The following ACSL6 variants were observed in gnomAD, a reference collection of about 807,000 sequenced individuals.
ACSL6 encodes the protein long-chain-fatty-acid--CoA ligase 6.
Under a neutral mutation model 98.2 loss-of-function variants are expected in ACSL6, and 47 were observed. That is an observed-to-expected ratio of 0.48 (90% CI 0.38 to 0.61). ACSL6 has a LOEUF of 0.61. ACSL6 is among the 20% of genes least tolerant of loss of function. ACSL6 has a pLI of 0.00. For synonymous variants in ACSL6, 362 were observed against 336.9 expected (o/e 1.07, Z -0.82); for missense variants, 761 against 913.4 (o/e 0.83, Z 2.15).
intron 18 of ACSL6, among the ~76,000 whole-genome samples, chr5:131,961,639 G>A (rs1274678496): frequency 6.6e-6 from 1 of 152,072 alleles, no homozygotes; most frequent in East Asian, 1.9e-4. Flanking sequence ...AGAGGCTGCA[G>A]TGAGCCGAGA....
chr5:131,976,607 T>A lies in ACSL6; in HGVS notation c.990+41A>T, dbSNP rs766516324. 8.0e-6 allele frequency: 12 copies of A among 1,509,178 alleles called. No individual in the cohort carries two copies. The East Asian group carries it at 2.7e-4, about 34-fold the overall frequency. 93.5% of individuals were successfully genotyped at this position (1,509,178 alleles called of 1,614,324 possible). On this transcript the variant is annotated intron_variant, in intron 10 of 20. Coordinates refer to ENST00000651883, the MANE Select transcript of ACSL6 (RefSeq NM_001009185.3). ...AAAAATCCTCTGAGGCTTGAGGTTG[T>A]CCTCAAGAGACACCTGCAACAGTAA...
In ACSL6 at chr5:131,972,779, C is replaced by T. The variant is rs1157003511; in HGVS notation, c.1283G>A (p.Ser428Asn). 1.9e-6 allele frequency: 3 copies of T among 1,614,216 alleles called. No individual in the cohort carries two copies. Among genetic ancestry groups the T allele is most frequent in the Admixed American group, 3.3e-5 (2 of 60,028 alleles). ...GATACTATCATTCCTGATGATTCCA[C>T]TCCGGACCTCGGCTTGCTTACGCTT... ...AAKRKQAEVR[S>N]GIIRNDSIWD... Residue 428 changes from serine to asparagine, a missense_variant, in exon 13 of 21, where the codon AGT (serine) becomes AAT (asparagine). Coordinates refer to ENST00000651883, the MANE Select transcript of ACSL6 (RefSeq NM_001009185.3).
intron 1 of ACSL6, among the ~76,000 whole-genome samples, chr5:132,000,645 T>A: frequency 1.3e-5 from 2 of 152,108 alleles, no homozygotes; most frequent in Middle Eastern, 3.4e-3. Flanking sequence ...ACAGCTAGAC[T>A]CATGGTGGCA....
rs1753018514 is a variant in ACSL6, at chr5:131,966,475, T to C, written c.1654A>G (p.Lys552Glu). Residue 552 changes from lysine (K) to glutamate (E), a missense_variant, in exon 17 of 21, where the codon AAG (lysine) becomes GAG (glutamate). Coordinates refer to ENST00000651883, the MANE Select transcript of ACSL6 (RefSeq NM_001009185.3). ...KGYLKDPDRT[K>E]EALDSDGWLH... Reference sequence around the variant, plus strand: ...CAGCCATCGCTGTCCAGGGCCTCCTTCGTCCTGTCTGGATCTTTCAAGTAG... The same window carrying C: ...CAGCCATCGCTGTCCAGGGCCTCCTCCGTCCTGTCTGGATCTTTCAAGTAG... 6.2e-7 allele frequency: 1 copy of C among 1,614,086 alleles called. No individual in the cohort carries two copies. The highest frequency in any genetic ancestry group is 1.3e-5 in the African/African-American group (1 of 74,908).
At chr5:131,962,910 C>T (rs1752789756) in intron 17 of ACSL6, among the ~76,000 whole-genome samples, 1 of 152,064 alleles carries the variant, frequency 6.6e-6, no homozygotes, top group Admixed American at 6.5e-5. Context: ...ACTGTCCTTT[C>T]CCCTCAGCAG....
Position 131,972,828 on chromosome 5 carries a change from G to A in ACSL6, c.1234C>T (p.Arg412Cys), listed in dbSNP as rs140341663. The change falls in exon 13 of 21, where the codon CGC becomes TGC. Residue 412 changes from arginine to cysteine, a missense_variant. By Grantham distance (180) the Arg-to-Cys change is radical. Coordinates refer to ENST00000651883, the MANE Select transcript of ACSL6 (RefSeq NM_001009185.3). ...TTTGCTGCAAACTCCAGGAGCCAGC[G>A]CTTTAATGGTGTGTTTGCCTGGCTG... ...IFSQANTPLK[R>C]WLLEFAAKRK... 3.8e-4 allele frequency: 617 copies of A among 1,614,176 alleles called. 3 individuals are homozygous for A. In the African/African-American group the frequency reaches 6.5e-3, roughly 17 times the overall value.
At chr5:131,967,695 A>ATAATAAT (rs898717100) in intron 16 of ACSL6, among the ~76,000 whole-genome samples, 19 of 145,508 alleles carry the variant, frequency 1.3e-4, no homozygotes, top group Admixed American at 2.1e-4. Context: ...AATAATAATA[A>ATAATAAT]TAATTAATTA....
chr5:131,968,669 A>G (rs1753150055), intron 15 of ACSL6, among the ~76,000 whole-genome samples: 1 of 152,198 alleles, frequency 6.6e-6, no homozygotes, highest in Non-Finnish European at 1.5e-5. Context: ...GGTCAAATTT[A>G]CCACAAAATT....
At chr5:131,959,653 C>T (rs552212998) in intron 19 of ACSL6, 46 bp from the exon 20 acceptor site, 1 of 1,574,466 alleles carries the variant, frequency 6.4e-7, no homozygotes, top group African/African-American at 1.4e-5. Flanking sequence ...GAACACATTT[C>T]AAAATGGAGG....
At chr5:132,006,503 C>T (rs1251946283) in intron 1 of ACSL6, 2 of 152,308 alleles carry the variant, frequency 1.3e-5, no homozygotes, top group Non-Finnish European at 1.5e-5. Flanking sequence ...CCCCACCAAT[C>T]TGTGGACCCA....
chr5:132,008,662 A>G (rs1755547351), intron 1 of ACSL6, among the ~76,000 whole-genome samples: 1 of 152,174 alleles, frequency 6.6e-6, no homozygotes, highest in Non-Finnish European at 1.5e-5. Context: ...CAGGCACAAG[A>G]CCTTGAAGAC....
chr5:131,970,449 G>A (rs548795276), intron 14 of ACSL6, among the ~76,000 whole-genome samples: 1 of 148,372 alleles, frequency 6.7e-6, no homozygotes, highest in Non-Finnish European at 1.5e-5. Flanking sequence ...TCACTCTGTC[G>A]CCCAGGCTGG....
At position 131,970,249 on chromosome 5, in the gene ACSL6, G is replaced by A. The variant is rs1429237868; in HGVS notation, c.1435-49C>T. 1.9e-6 allele frequency: 3 copies of A among 1,568,636 alleles called. No individual in the cohort carries two copies. In the East Asian group the frequency reaches 6.7e-5, roughly 35 times the overall value. ...CACTATGGGCACACACCCTCCAAGA[G>A]CTAACTGGCCACCCCTTCCAGACAG... On this transcript the variant is annotated intron_variant, in intron 14 of 20. Transcript: ENST00000651883.
chr5:131,967,778 T>C (rs916504583), intron 16 of ACSL6, among the ~76,000 whole-genome samples, 162 bp downstream of exon 16: 1 of 152,138 alleles, frequency 6.6e-6, no homozygotes, highest in African/African-American at 2.4e-5. Context: ...GGTTGCCTCA[T>C]AAACAGGAGA....
chr5:131,971,734 A>T, intron 13 of ACSL6, 89 bp from the exon 14 acceptor site: 1 of 1,127,262 alleles, frequency 8.9e-7, no homozygotes, highest in South Asian at 1.8e-5. Flanking sequence ...AACATCCAAC[A>T]ACTGGGTCCT....
At chr5:132,010,661 A>T (rs1392610506) in intron 1 of ACSL6, among the ~76,000 whole-genome samples, 1 of 152,174 alleles carries the variant, frequency 6.6e-6, no homozygotes, top group East Asian at 1.9e-4. Context: ...ACTGCACACA[A>T]ATTATCAGGC....
At chr5:132,007,155 T>C (rs1561815140) in intron 1 of ACSL6, 1 of 152,256 alleles carries the variant, frequency 6.6e-6, no homozygotes, top group Non-Finnish European at 1.5e-5. Context: ...GGAGGAGGCT[T>C]CTGGAGCACA....
intron 17 of ACSL6, among the ~76,000 whole-genome samples, chr5:131,965,198 A>G (rs1752949607): frequency 1.3e-5 from 2 of 152,032 alleles, no homozygotes; most frequent in African/African-American, 2.4e-5. Context: ...AACACCTCAA[A>G]ATGTCCACCC....
chr5:131,954,378 A>G lies in ACSL6; in HGVS notation c.2032-7T>C. The G allele has an allele frequency of 6.2e-7, 1 of 1,609,386 alleles. No individual in the cohort carries two copies. Among genetic ancestry groups the G allele is most frequent in the South Asian group, 1.1e-5 (1 of 89,888 alleles). On this transcript the variant is annotated splice_region_variant and splice_polypyrimidine_tract_variant and intron_variant, in intron 20 of 20. Coordinates refer to ENST00000651883, the MANE Select transcript of ACSL6 (RefSeq NM_001009185.3). The stretch of plus-strand genomic sequence containing the variant: ...GGATGTGAATGGCTTTAACCTAAAA[A>G]CCAAATGCAGAAAACATCTTTAACA...
Sources: allele counts gnomAD v4.1 joint callset (sites outside exome capture counted in the v4.1 genomes callset), GRCh38; gene constraint gnomAD v4.1.1; transcripts MANE v1.5; gene names NCBI Gene and HGNC (gene_info 2026-07-23, HGNC 2026-07-21).